Variants in DLGAP2 observed in about 807,000 individuals in gnomAD.
DLGAP2 encodes the protein DLG associated protein 2.
In DLGAP2, 26 loss-of-function variants were observed where a neutral mutation model predicts 100.3. The ratio of observed to expected loss-of-function variants is 0.26; its 90% CI spans 0.19 to 0.36. DLGAP2 has a LOEUF of 0.36. Ranked by LOEUF, DLGAP2 falls within the 10% of genes least tolerant of loss-of-function variation. DLGAP2 has a pLI of 1.00. For synonymous variants in DLGAP2, 886 were observed against 630.1 expected (o/e 1.41, Z -6.08); for missense variants, 1,858 against 1,453.2 (o/e 1.28, Z -4.53).
rs181284384 is a variant in DLGAP2 at position 1,644,090 on chromosome 8, T to C, written c.1810+11044T>C. Among the ~76,000 whole-genome samples the C allele has an allele frequency of 2.5e-4, 32 of 129,214 alleles. 1 individual carries two copies. Among genetic ancestry groups the C allele is most frequent in the African/African-American group, 1.1e-3 (29 of 25,426 alleles). The allele number at this position is 129,214 out of a possible 152,430, so 84.8% of individuals were successfully genotyped here. On this transcript the variant is annotated intron_variant, in intron 8 of 14. Transcript: ENST00000637795. ...GTGTCACCCTCGACCCCGCCGGTCC[T>C]CACCTGTGTCACCCTCGACCCCGCC...
At chr8:1,178,147 C>T (rs1051232521) in intron 2 of DLGAP2, among the ~76,000 whole-genome samples, 3 of 152,166 alleles carry the variant, frequency 2.0e-5, no homozygotes, top group Non-Finnish European at 4.4e-5. Flanking sequence ...TAGGGACCCC[C>T]GGAGGACTGC....
intron 1 of DLGAP2, among the ~76,000 whole-genome samples, chr8:788,298 G>A (rs1585863874): frequency 6.6e-6 from 1 of 152,338 alleles, no homozygotes; most frequent in African/African-American, 2.4e-5. Flanking sequence ...TGGTCTGGTC[G>A]AGATAGCAGC....
intron 1 of DLGAP2, among the ~76,000 whole-genome samples, chr8:836,013 C>T (rs1160674992): frequency 6.6e-6 from 1 of 152,160 alleles, no homozygotes; most frequent in Non-Finnish European, 1.5e-5. Context: ...ACTTTTTGTC[C>T]ATGAGTGTGA....
At position 1,195,912 on chromosome 8, in the gene DLGAP2, C is replaced by G. The variant is rs114220042; in HGVS notation, c.74-62939C>G. Reference sequence around the variant, plus strand: ...GTTTTTAGCATTTCTAATTCTCCCACAAAGTGCAAGAATATTTTGTTTCAA... The same window carrying G: ...GTTTTTAGCATTTCTAATTCTCCCAGAAAGTGCAAGAATATTTTGTTTCAA... On this transcript the variant is annotated intron_variant, in intron 2 of 14. Transcript: ENST00000637795. Among the ~76,000 whole-genome samples the G allele has an allele frequency of 5.6e-3, 846 of 152,290 alleles. 9 individuals carry two copies. Among genetic ancestry groups the G allele is most frequent in the African/African-American group, 0.019 (781 of 41,570 alleles).
intron 2 of DLGAP2, among the ~76,000 whole-genome samples, chr8:1,245,246 C>A (rs1798879052): frequency 6.6e-6 from 1 of 152,154 alleles, no homozygotes; most frequent in African/African-American, 2.4e-5. Context: ...TTGGTACATA[C>A]CCAAGAGAAA....
intron 2 of DLGAP2, among the ~76,000 whole-genome samples, chr8:1,123,521 C>G (rs2129047958): frequency 6.6e-6 from 1 of 152,114 alleles, no homozygotes; most frequent in South Asian, 2.1e-4. Context: ...TTTGGAGACT[C>G]TAAAAGGAAA....
At chr8:890,953 C>G (rs1232479968) in intron 1 of DLGAP2, among the ~76,000 whole-genome samples, 4 of 152,146 alleles carry the variant, frequency 2.6e-5, no homozygotes, top group African/African-American at 9.7e-5. Context: ...TTACTGGCTC[C>G]CCCTTGTCCT....
At chr8:1,377,339 T>C (rs1795975093) in intron 3 of DLGAP2, among the ~76,000 whole-genome samples, 1 of 152,132 alleles carries the variant, frequency 6.6e-6, no homozygotes, top group Non-Finnish European at 1.5e-5. Flanking sequence ...AGTCAGGAGA[T>C]CGAGACCATC....
intron 1 of DLGAP2, among the ~76,000 whole-genome samples, chr8:816,363 G>C (rs976476406): frequency 1.3e-5 from 2 of 151,442 alleles, no homozygotes; most frequent in African/African-American, 4.8e-5. Flanking sequence ...TGTATCTCAA[G>C]GATTTGTTTC....
At chr8:1,215,830 G>A (rs1408177085) in intron 2 of DLGAP2, among the ~76,000 whole-genome samples, 4 of 136,332 alleles carry the variant, frequency 2.9e-5, no homozygotes, top group East Asian at 2.1e-4. Flanking sequence ...ACCTGGAGAC[G>A]TCCAGGTACC....
At chr8:817,051 G>T (rs1214405043) in intron 1 of DLGAP2, among the ~76,000 whole-genome samples, 1 of 151,044 alleles carries the variant, frequency 6.6e-6, no homozygotes, top group Non-Finnish European at 1.5e-5. Context: ...TGAGGCCGGA[G>T]AAAGGTGTGA....
rs796463278 is a variant in DLGAP2, at chr8:1,462,506, T to A, written c.107-38860T>A. Among the ~76,000 whole-genome samples the A allele has an allele frequency of 1.0e-3, 40 of 38,320 alleles. 3 individuals carry two copies. The highest frequency in any genetic ancestry group is 6.0e-3 in the South Asian group (4 of 670). 25.1% of individuals were successfully genotyped at this position (38,320 alleles called of 152,430 possible). A position where few individuals can be genotyped will look rare whatever the true frequency, so the allele number is the denominator to read the frequency against. On this transcript the variant is annotated intron_variant, in intron 3 of 14. Transcript: ENST00000637795. ...GTTGGGAGAAGGTGCTGCTGTCACG[T>A]GGGCTGGGTGCAGTCGCTGATTTGG...
chr8:842,980 T>G lies in DLGAP2; in HGVS notation c.19-64932T>G, dbSNP rs928613993. Among the ~76,000 whole-genome samples the G allele has an allele frequency of 2.0e-5, 3 of 152,208 alleles. No individual in the cohort carries two copies. In the East Asian group the frequency reaches 5.8e-4, roughly 29 times the overall value. On this transcript the variant is annotated intron_variant, in intron 1 of 14. Transcript: ENST00000637795. ...CAGCCGGTGGTAGTTTTGACTCACT[T>G]TGTGGATGTGCCTCTCTGGCGGGCT...
chr8:1,389,281 G>A (rs1213997170), intron 3 of DLGAP2, among the ~76,000 whole-genome samples: 10 of 142,232 alleles, frequency 7.0e-5, no homozygotes, highest in Non-Finnish European at 1.5e-4. Context: ...CAGTCAGTGG[G>A]GAGGGGACTC....
intron 4 of DLGAP2, among the ~76,000 whole-genome samples, chr8:1,539,516 G>A (rs1020700892): frequency 6.6e-6 from 1 of 152,242 alleles, no homozygotes; most frequent in Non-Finnish European, 1.5e-5. Context: ...AGCCAGAAGC[G>A]CGACGCAGAG....
intron 2 of DLGAP2, among the ~76,000 whole-genome samples, chr8:1,107,682 C>T (rs946133156): frequency 4.6e-5 from 7 of 152,242 alleles, no homozygotes; most frequent in African/African-American, 1.7e-4. Context: ...CTCTTCCCTG[C>T]TCTGTCCCAG....
intron 2 of DLGAP2, among the ~76,000 whole-genome samples, chr8:971,959 C>T (rs1193635438): frequency 2.0e-5 from 3 of 152,082 alleles, no homozygotes; most frequent in Admixed American, 1.3e-4. Context: ...GGCTCTTTTC[C>T]TTCAACACCT....
chr8:1,104,964 C>G (rs1804708004), intron 2 of DLGAP2: 1 of 152,234 alleles, frequency 6.6e-6, no homozygotes, highest in South Asian at 2.1e-4. Context: ...CTCGACTCGC[C>G]AGACGCCCTG....
At chr8:1,025,975 G>T (rs1222552028) in intron 2 of DLGAP2, among the ~76,000 whole-genome samples, 1 of 152,236 alleles carries the variant, frequency 6.6e-6, no homozygotes, top group Non-Finnish European at 1.5e-5. Flanking sequence ...GGCTCCAGCA[G>T]CAGGGCTGAG....
Sources: gnomAD v4.1 joint callset for allele counts (sites outside exome capture counted in the v4.1 genomes callset) on GRCh38, gnomAD v4.1.1 for gene constraint, MANE v1.5 for transcripts, NCBI Gene and HGNC (gene_info 2026-07-23, HGNC 2026-07-21) for gene names.